TTC3: variants seen among roughly 807,000 people sequenced by gnomAD.
TTC3 encodes the protein E3 ubiquitin-protein ligase TTC3.
In TTC3, 180 loss-of-function variants were observed where a neutral mutation model predicts 249.6. The observed-to-expected ratio is 0.72, with a 90% CI of 0.64 to 0.82. The LOEUF is 0.82. TTC3 is among the 40% of genes least tolerant of loss of function. The probability of loss-of-function intolerance (pLI) is 0.00; values close to 1 mark genes in which losing one functional copy is unlikely to be tolerated. For synonymous variants in TTC3, 717 were observed against 805.0 expected (o/e 0.89, Z 1.85); for missense variants, 2,061 against 2,398.4 (o/e 0.86, Z 2.94).
intron 1 of TTC3, among the ~76,000 whole-genome samples, chr21:37,080,704 A>G (rs148345286): frequency 7.6e-4 from 115 of 151,972 alleles, no homozygotes; most frequent in African/African-American, 2.7e-3. Flanking sequence ...CTATATTGTG[A>G]TCTTCTCTAA....
intron 1 of TTC3, 75 bp from the exon 2 acceptor site, chr21:37,087,172 A>T: frequency 2.0e-6 from 3 of 1,535,568 alleles, no homozygotes; most frequent in Non-Finnish European, 2.7e-6. Context: ...CTAATATACC[A>T]TAGAAGCCAG....
At chr21:37,168,796 C>A (rs1783037) in intron 34 of TTC3, among the ~76,000 whole-genome samples, 152,312 of 152,312 alleles carry the variant, frequency 1, 76,156 homozygotes, top group Non-Finnish European at 1. Context: ...CTAAGTCAGG[C>A]ATTCAGGAGC....
At chr21:37,131,321 G>A (rs967373304) in intron 16 of TTC3, among the ~76,000 whole-genome samples, 1 of 152,070 alleles carries the variant, frequency 6.6e-6, no homozygotes, top group Non-Finnish European at 1.5e-5. Flanking sequence ...TTGAGGTTAG[G>A]CACCAATGGC....
chr21:37,074,240 G>A (rs918783618), intron 1 of TTC3, among the ~76,000 whole-genome samples: 2 of 152,246 alleles, frequency 1.3e-5, no homozygotes, highest in Non-Finnish European at 2.9e-5. Context: ...AATGGGAAGG[G>A]GGGTGGACAG....
rs1468388806 is a variant in TTC3, at chr21:37,200,213, GGT to G, written c.5851-14_5851-13del. The G allele has an allele frequency of 6.2e-7, 1 of 1,612,814 alleles. No individual in the cohort carries two copies. On this transcript the variant is annotated splice_polypyrimidine_tract_variant and intron_variant, in intron 44 of 45. Transcript: ENST00000355666. ...AACTGTAGTTATTCTTTACTATTCAGGTGTGTTTGTTTCCACAGGCACTGGGT... is the reference window on the plus strand; with the variant it reads ...AACTGTAGTTATTCTTTACTATTCAGGTGTTTGTTTCCACAGGCACTGGGT...
rs199843056 is a variant in TTC3 at position 37,156,950 on chromosome 21, G to C, written c.2992+44G>C. On this transcript the variant is annotated intron_variant, in intron 28 of 45. Coordinates refer to ENST00000355666, the Ensembl canonical transcript of TTC3. ...GACTTATATTACATTTAATCTTAAG[G>C]GGGAAAAAATCTGTGAAGGACCTAG... is the stretch of plus-strand genomic sequence containing the variant. 651 of 1,582,164 alleles carry C rather than the reference G, an allele frequency of 4.1e-4. 1 individual carries two copies. The highest frequency in any genetic ancestry group is 1.5e-3 in the Admixed American group (84 of 55,404).
intron 33 of TTC3, among the ~76,000 whole-genome samples, chr21:37,167,169 A>G (rs748006877): frequency 1.3e-5 from 2 of 152,232 alleles, no homozygotes; most frequent in Non-Finnish European, 2.9e-5. Flanking sequence ...AGGAATGAGA[A>G]TGTTAAAAAG....
intron 13 of TTC3, among the ~76,000 whole-genome samples, chr21:37,123,523 G>A (rs559186064): frequency 1.0e-3 from 155 of 152,318 alleles, no homozygotes; most frequent in Admixed American, 3.8e-3. Flanking sequence ...TCACAAGAAA[G>A]CAATAGCAGC....
intron 4 of TTC3, 80 bp from the exon 5 acceptor site, chr21:37,088,719 A>G (rs1239230003): frequency 7.8e-7 from 1 of 1,274,740 alleles, no homozygotes; most frequent in African/African-American, 1.5e-5. Context: ...TAATGGTTTG[A>G]GATATATAGC....
At chr21:37,186,681 C>A (rs1006862953) in intron 37 of TTC3, among the ~76,000 whole-genome samples, 11 of 152,220 alleles carry the variant, frequency 7.2e-5, no homozygotes, top group Non-Finnish European at 1.5e-5. Flanking sequence ...CCTGCCTTGG[C>A]CTCCCAAAGT....
Position 37,096,647 on chromosome 21 carries a change from A to G in TTC3, c.845+4A>G. 2 of 1,603,010 alleles carry G rather than the reference A, an allele frequency of 1.2e-6. No homozygotes were observed. Among genetic ancestry groups the G allele is most frequent in the African/African-American group, 1.3e-5 (1 of 74,704 alleles). On this transcript the variant is annotated splice_donor_region_variant and intron_variant, in intron 10 of 45. Transcript: ENST00000355666. ...TTCTTCGTACTGGACAGTTTAGGTA[A>G]GTTGGTTAAAATATCTCAACCACTG...
intron 41 of TTC3, among the ~76,000 whole-genome samples, chr21:37,192,979 T>G (rs1173168140): frequency 1.3e-5 from 2 of 152,228 alleles, no homozygotes; most frequent in African/African-American, 2.4e-5. Flanking sequence ...CATAGGAATT[T>G]AAAGTTAGAT....
chr21:37,117,048 A>C (rs950156460), intron 11 of TTC3, among the ~76,000 whole-genome samples: 1 of 110,072 alleles, frequency 9.1e-6, no homozygotes, highest in Non-Finnish European at 2.2e-5. Flanking sequence ...ATTTTTTTAA[A>C]TGAACTTTAT....
intron 34 of TTC3, among the ~76,000 whole-genome samples, chr21:37,169,627 G>T (rs2081557514): frequency 6.7e-6 from 1 of 150,024 alleles, no homozygotes; most frequent in Admixed American, 6.7e-5. Context: ...GAGGTGGGTG[G>T]ATCACGAGGT....
intron 34 of TTC3, among the ~76,000 whole-genome samples, chr21:37,172,236 A>G (rs1447417808): frequency 6.6e-6 from 1 of 152,242 alleles, no homozygotes; most frequent in African/African-American, 2.4e-5. Context: ...AAATATGTAT[A>G]ATATGTGCAG....
At chr21:37,091,794 G>T (rs1358015886) in intron 7 of TTC3, among the ~76,000 whole-genome samples, 1 of 152,130 alleles carries the variant, frequency 6.6e-6, no homozygotes, top group African/African-American at 2.4e-5. Context: ...TGTTCACCAG[G>T]TTGATCTCGA....
rs768870296 is a variant in TTC3 at position 37,147,622 on chromosome 21, G to A, written c.2016+19G>A. 3 of 1,573,430 alleles carry A rather than the reference G, an allele frequency of 1.9e-6. No homozygotes were observed. In the Admixed American group the frequency reaches 6.0e-5, roughly 31 times the overall value. On this transcript the variant is annotated intron_variant, in intron 22 of 45. Transcript: ENST00000355666. ...CTTTAAGGTAAATAATGAGTGTACA[G>A]TGGGACATTAACTTGCAAAATCATT...
chr21:37,080,542 C>T (rs2071495455), intron 1 of TTC3, among the ~76,000 whole-genome samples: 1 of 152,118 alleles, frequency 6.6e-6, no homozygotes, highest in African/African-American at 2.4e-5. Flanking sequence ...TTTATCCTAT[C>T]ATTAACTGAG....
intron 35 of TTC3, among the ~76,000 whole-genome samples, chr21:37,178,830 C>T (rs936767275): frequency 2.6e-5 from 4 of 152,038 alleles, no homozygotes; most frequent in African/African-American, 7.3e-5. Context: ...CATGATAGTA[C>T]GCACCTGTGG....
Sources: gnomAD v4.1 joint callset for allele counts (sites outside exome capture counted in the v4.1 genomes callset) on GRCh38, gnomAD v4.1.1 for gene constraint, MANE v1.5 for transcripts, NCBI Gene and HGNC (gene_info 2026-07-23, HGNC 2026-07-21) for gene names.